The following PPM1E variants were observed in gnomAD, a reference collection of about 807,000 sequenced individuals.
PPM1E encodes the protein protein phosphatase 1E.
PPM1E carries 20 observed loss-of-function variants against 65.9 expected under a neutral mutation model. That is an observed-to-expected ratio of 0.30 (90% CI 0.21 to 0.44). The LOEUF (loss-of-function observed/expected upper bound fraction) is 0.44. Ranked by LOEUF, PPM1E falls within the 20% of genes least tolerant of loss-of-function variation. The pLI is 1.00. For synonymous variants in PPM1E, 352 were observed against 374.9 expected (o/e 0.94, Z 0.70); for missense variants, 713 against 953.1 (o/e 0.75, Z 3.32).
Position 58,977,340 on chromosome 17 carries a change from G to C in PPM1E, c.1211-2634G>C, listed in dbSNP as rs567202476. ...TGCCTGTAATCCCAGCTACTTGGGA[G>C]GCTGAGGCAGGAGAATTGCTTGAAT... On this transcript the variant is annotated intron_variant, in intron 6 of 6. Transcript: ENST00000308249. 9.2e-5 allele frequency among the ~76,000 whole-genome samples: 14 copies of C among 151,896 alleles called. No homozygotes were observed. The East Asian group carries it at 2.5e-3, about 27-fold the overall frequency.
chr17:58,783,168 G>A (rs73993808), intron 1 of PPM1E, among the ~76,000 whole-genome samples: 285 of 152,310 alleles, frequency 1.9e-3, no homozygotes, highest in African/African-American at 6.6e-3. Flanking sequence ...TAAGGACTTT[G>A]ACAGCATGAT....
intron 1 of PPM1E, among the ~76,000 whole-genome samples, chr17:58,858,501 C>A (rs2050906700): frequency 6.6e-6 from 1 of 151,892 alleles, no homozygotes. Context: ...TTCTGTTCCA[C>A]TTTTTACTTC....
chr17:58,799,763 A>G (rs1405427952), intron 1 of PPM1E, among the ~76,000 whole-genome samples: 1 of 152,024 alleles, frequency 6.6e-6, no homozygotes, highest in Non-Finnish European at 1.5e-5. Context: ...GTATTTTGGT[A>G]GAGATGGGGT....
At chr17:58,937,887 AAAAAAAAAGAAAG>A (rs2052005840) in intron 1 of PPM1E, among the ~76,000 whole-genome samples, 1 of 144,826 alleles carries the variant, frequency 6.9e-6, no homozygotes, top group Non-Finnish European at 1.5e-5. Flanking sequence ...CTCAAAAAAA[AAAAAAAAAGAAAG>A]AAAGAAAAGA....
At chr17:58,843,512 T>TA (rs1203907059) in intron 1 of PPM1E, among the ~76,000 whole-genome samples, 2 of 150,324 alleles carry the variant, frequency 1.3e-5, no homozygotes, top group East Asian at 2.0e-4. Flanking sequence ...AGATCCTGTC[T>TA]AAAAAAAATA....
chr17:58,972,678 G>T (rs1206677858), intron 5 of PPM1E, among the ~76,000 whole-genome samples, 154 bp from the exon 6 acceptor site: 1 of 152,132 alleles, frequency 6.6e-6, no homozygotes, highest in Non-Finnish European at 1.5e-5. Context: ...TACAATTATT[G>T]CTATCACATC....
intron 4 of PPM1E, among the ~76,000 whole-genome samples, chr17:58,970,331 T>C (rs1440155721): frequency 3.9e-5 from 6 of 152,202 alleles, no homozygotes; most frequent in Non-Finnish European, 8.8e-5. Context: ...AAGGGCTCTA[T>C]ATTAAGGTCT....
In PPM1E at chr17:58,980,888, G is replaced by A; in HGVS notation, c.2125G>A (p.Gly709Arg). The A allele has an allele frequency of 6.2e-7, 1 of 1,614,156 alleles. No homozygotes were observed. The highest frequency in any genetic ancestry group is 1.3e-5 in the African/African-American group (1 of 75,034). ...AGGCACTAGCCTGTCCTCACTTACT[G>A]GAAGTGGGAAGAGAAATAGGATAAG... ...KIGTSLSSLT[G>R]SGKRNRIRSS... Residue 709 changes from glycine to arginine, a missense_variant, in exon 7 of 7, where the codon GGA becomes AGA. Physicochemically the swap from Gly to Arg is moderately radical, Grantham distance 125. Transcript: ENST00000308249. This position sits in a 1 kb window ranked among gnomAD's most constrained non-coding sequence, Gnocchi z 4.7.
chr17:58,795,827 T>C (rs2050200774), intron 1 of PPM1E, among the ~76,000 whole-genome samples: 1 of 152,216 alleles, frequency 6.6e-6, no homozygotes. Context: ...TGGGTACATG[T>C]ATGTCTTTTT....
chr17:58,827,923 T>A (rs1200331580), intron 1 of PPM1E, among the ~76,000 whole-genome samples: 4 of 124,696 alleles, frequency 3.2e-5, no homozygotes, highest in African/African-American at 9.2e-5. Flanking sequence ...ATAATAATAA[T>A]AATAATAATA....
chr17:58,783,309 G>A (rs187023850), intron 1 of PPM1E, among the ~76,000 whole-genome samples: 99 of 152,200 alleles, frequency 6.5e-4, no homozygotes, highest in African/African-American at 2.2e-3. Context: ...TCCTGAATTT[G>A]GGTTGGAAAA....
At position 58,876,149 on chromosome 17, in the gene PPM1E, A is replaced by C. The variant is rs373231898; in HGVS notation, c.465-79500A>C. Among the ~76,000 whole-genome samples the C allele has an allele frequency of 4.6e-5, 7 of 152,294 alleles. No homozygotes were observed. In the South Asian group the frequency reaches 1.5e-3, roughly 32 times the overall value. On this transcript the variant is annotated intron_variant, in intron 1 of 6. Transcript: ENST00000308249. ...TAAGGAAGAACCCAAAATGCTATTCATTCACTGGTAGTATATCTGTGATTT... is the reference window on the plus strand; with the variant it reads ...TAAGGAAGAACCCAAAATGCTATTCCTTCACTGGTAGTATATCTGTGATTT...
At chr17:58,968,097 C>T (rs899327172) in intron 3 of PPM1E, among the ~76,000 whole-genome samples, 2 of 152,084 alleles carry the variant, frequency 1.3e-5, no homozygotes, top group Non-Finnish European at 1.5e-5. Flanking sequence ...CCACCGCACC[C>T]GGCCAGGATT....
chr17:58,873,921 A>G (rs893157138), intron 1 of PPM1E, among the ~76,000 whole-genome samples: 1 of 151,890 alleles, frequency 6.6e-6, no homozygotes, highest in Non-Finnish European at 1.5e-5. Flanking sequence ...TTTTTGCATG[A>G]TTTTTACACT....
chr17:58,979,974 G>C lies in PPM1E; in HGVS notation c.1211G>C (p.Gly404Ala). 6.2e-7 allele frequency: 1 copy of C among 1,608,646 alleles called. No individual in the cohort carries two copies. Among genetic ancestry groups the C allele is most frequent in the Non-Finnish European group, 8.5e-7 (1 of 1,176,142 alleles). The change falls in exon 7 of 7, where the codon GGA becomes GCA. Residue 404 changes from glycine (G) to alanine (A), a missense_variant and splice_region_variant. Physicochemically the swap from Gly to Ala is moderately conservative, Grantham distance 60. Transcript: ENST00000308249. Reference sequence around the variant, plus strand: ...TGCCCCTACACTCTGCTTCCCGCAGGAGATGCTGAACATAAGCCATATATC... The same window carrying C: ...TGCCCCTACACTCTGCTTCCCGCAGCAGATGCTGAACATAAGCCATATATC... ...NGSLSVSRAI[G>A]DAEHKPYICG...
rs373491670 is a variant in PPM1E at position 58,818,668 on chromosome 17, CCTAGATCTT to C, written c.464+62208_464+62216del. 2.2e-3 allele frequency among the ~76,000 whole-genome samples: 341 copies of C among 152,220 alleles called. 2 individuals are homozygous for C. The highest frequency in any genetic ancestry group is 7.8e-3 in the African/African-American group (326 of 41,542). ...ATATGAGCCAATGATAATTAGATCA[CCTAGATCTT>C]GGTTTAAATTTATTACTGACACCAC... On this transcript the variant is annotated intron_variant, in intron 1 of 6. Coordinates refer to ENST00000308249, the MANE Select transcript of PPM1E (RefSeq NM_014906.5).
intron 1 of PPM1E, among the ~76,000 whole-genome samples, chr17:58,857,676 A>G (rs900041818): frequency 2.0e-4 from 31 of 152,260 alleles, no homozygotes; most frequent in African/African-American, 7.5e-4. Context: ...GTCAGAAAAC[A>G]ATACCTAAAG....
chr17:58,838,896 T>C (rs1388181190), intron 1 of PPM1E, among the ~76,000 whole-genome samples: 2 of 152,174 alleles, frequency 1.3e-5, no homozygotes, highest in Non-Finnish European at 2.9e-5. Context: ...GGAGAAAATA[T>C]AGATGCATAT....
chr17:58,977,461 TAATG>T (rs1053438818), intron 6 of PPM1E, among the ~76,000 whole-genome samples: 4 of 144,580 alleles, frequency 2.8e-5, no homozygotes, highest in East Asian at 4.1e-4. Flanking sequence ...AAAAAAGAAA[TAATG>T]AATGAATGAA....
Sources: gnomAD v4.1 joint callset for allele counts (sites outside exome capture counted in the v4.1 genomes callset) on GRCh38, gnomAD v4.1.1 for gene constraint, Gnocchi (gnomAD v3.1) non-coding constraint, MANE v1.5 for transcripts, NCBI Gene and HGNC (gene_info 2026-07-23, HGNC 2026-07-21) for gene names.